ADRA1A: variants seen among roughly 807,000 people sequenced by gnomAD.
The protein encoded by ADRA1A is alpha-1A adrenergic receptor.
In ADRA1A, 31 loss-of-function variants were observed where a neutral mutation model predicts 29.6. The ratio of observed to expected loss-of-function variants is 1.05; its 90% CI spans 0.79 to 1.41. The LOEUF (loss-of-function observed/expected upper bound fraction) is 1.41, where lower values mean the gene tolerates loss of function less well. ADRA1A is among the 40% of genes most tolerant of loss of function. The pLI is 0.00. For missense variants in ADRA1A, 619 were observed against 601.1 expected, an observed-to-expected ratio of 1.03 and a Z score of -0.31; for synonymous variants, 311 against 254.3, an observed-to-expected ratio of 1.22 and a Z score of -2.12.
In ADRA1A at chr8:26,750,807, C is replaced by T. The variant is rs149828105; in HGVS notation, c.1270-2059G>A. Among the ~76,000 whole-genome samples the T allele has an allele frequency of 5.3e-3, 812 of 152,286 alleles. 9 individuals are homozygous for T. The highest frequency in any genetic ancestry group is 0.018 in the African/African-American group (765 of 41,562). ...GTTGTAGGCTGGGTGCAGTGGCTCA[C>T]GCCTATAGCCCCAGCACTTTGGGAG... On this transcript the variant is annotated intron_variant, in intron 2 of 2. Coordinates refer to the ADRA1A transcript ENST00000380586.
chr8:26,754,350 C>T (rs544570253), downstream of ADRA1A, among the ~76,000 whole-genome samples: 59 of 151,848 alleles, frequency 3.9e-4, no homozygotes, highest in Non-Finnish European at 7.4e-4. Flanking sequence ...ACTCTCAGCA[C>T]GATTCAGATT....
intron 2 of ADRA1A, among the ~76,000 whole-genome samples, chr8:26,777,880 G>C (rs61760534): frequency 0.016 from 2,387 of 152,346 alleles, 58 homozygotes; most frequent in African/African-American, 0.052. Context: ...GGATGGAAGT[G>C]CTGCCCACTT....
intron 2 of ADRA1A, among the ~76,000 whole-genome samples, chr8:26,803,919 C>T (rs1241173356): frequency 1.3e-4 from 12 of 95,224 alleles, no homozygotes; most frequent in East Asian, 4.0e-4. Context: ...TGGAAGTTTC[C>T]TTTTTTTTTT....
intron 2 of ADRA1A, among the ~76,000 whole-genome samples, chr8:26,851,552 G>C (rs1441841300): frequency 1.3e-5 from 2 of 152,164 alleles, no homozygotes; most frequent in Non-Finnish European, 2.9e-5. Flanking sequence ...TGGATTATGA[G>C]AAATCCATTT....
rs371885558 is a variant in ADRA1A, at chr8:26,770,058, C to T, written c.*91G>A. 24 of 1,507,580 alleles carry T rather than the reference C, an allele frequency of 1.6e-5. No individual in the cohort carries two copies. The Middle Eastern group carries it at 1.1e-3, about 71-fold the overall frequency. 93.4% of individuals were successfully genotyped at this position (1,507,580 alleles called of 1,614,324 possible). ...CAGCAGGTCCCCTCTTTGATTGGTC[C>T]TGTCTTGTCCTCCAAGAAGAGCTGG... is the stretch of plus-strand genomic sequence containing the variant. On this transcript the variant is annotated 3_prime_UTR_variant, in exon 3 of 3. Coordinates refer to ENST00000380573, the MANE Select transcript of ADRA1A (RefSeq NM_000680.4).
Position 26,821,134 on chromosome 8 carries a change from C to T in ADRA1A, c.883+42953G>A, listed in dbSNP as rs1223745639. Among the ~76,000 whole-genome samples the T allele has an allele frequency of 6.6e-6, 1 of 152,178 alleles. No homozygotes were observed. The highest frequency in any genetic ancestry group is 1.5e-5 in the Non-Finnish European group (1 of 68,036). On this transcript the variant is annotated intron_variant, in intron 2 of 2. Coordinates refer to ENST00000380573, the MANE Select transcript of ADRA1A (RefSeq NM_000680.4). This position sits in a 1 kb window ranked among gnomAD's most constrained non-coding sequence, Gnocchi z 5.6. ...CAAACTCCTGACCTCAGGTGATCCA[C>T]CCACCTTGGCCTCGCAAAGTGCTGG...
intron 2 of ADRA1A, among the ~76,000 whole-genome samples, chr8:26,794,947 T>C (rs4732654): frequency 0.56 from 85,077 of 152,014 alleles, 26,109 homozygotes; most frequent in East Asian, 0.85. Flanking sequence ...CTTATTAAGA[T>C]GTGTATCCTG....
At chr8:26,777,396 G>A (rs1806625904) in intron 2 of ADRA1A, among the ~76,000 whole-genome samples, 1 of 152,146 alleles carries the variant, frequency 6.6e-6, no homozygotes, top group African/African-American at 2.4e-5. Context: ...TCTGGTGATG[G>A]TAAAGATGGT....
Position 26,768,853 on chromosome 8 carries a change from C to G in ADRA1A, c.*1296G>C. 1.0e-6 allele frequency: 1 copy of G among 983,962 alleles called. No individual in the cohort carries two copies. The highest frequency in any genetic ancestry group is 1.2e-6 in the Non-Finnish European group (1 of 828,678). The allele number at this position is 983,962 out of a possible 1,614,324, so 61.0% of individuals were successfully genotyped here. ...TTACCAAAATTTGGTATACATAAAG[C>G]AAAATATAGCATGTTCCCCAAGCTC... is the stretch of plus-strand genomic sequence containing the variant. On this transcript the variant is annotated 3_prime_UTR_variant, in exon 3 of 3. Transcript: ENST00000380573.
intron 2 of ADRA1A, chr8:26,859,219 A>G (rs997961500): frequency 2.4e-6 from 3 of 1,241,236 alleles, no homozygotes; most frequent in Admixed American, 2.4e-5. Flanking sequence ...GAATATAATA[A>G]TATGATAGTA....
chr8:26,825,112 A>G lies in ADRA1A; in HGVS notation c.883+38975T>C, dbSNP rs1048649037. On this transcript the variant is annotated intron_variant, in intron 2 of 2. Transcript: ENST00000380573. This position sits in a 1 kb window ranked among gnomAD's most constrained non-coding sequence, Gnocchi z 5.7. ...TCAGAATTCAAGCATGGCATAAAAC[A>G]ATGCCTGCATGCTCCAGAGAGACCC... Among the ~76,000 whole-genome samples the G allele has an allele frequency of 4.6e-5, 7 of 152,046 alleles. No homozygotes were observed. The highest frequency in any genetic ancestry group is 1.7e-4 in the African/African-American group (7 of 41,386).
intron 2 of ADRA1A, among the ~76,000 whole-genome samples, chr8:26,774,157 T>A (rs1806371076): frequency 6.6e-6 from 1 of 152,212 alleles, no homozygotes. Context: ...AGCAGCCAGA[T>A]GTGTGTAAGC....
intron 2 of ADRA1A, chr8:26,748,865 G>C: frequency 2.8e-6 from 1 of 351,306 alleles, no homozygotes. Context: ...TGGCCAACAG[G>C]ATGACCTGGC....
At chr8:26,857,038 C>T (rs1392829193) in intron 2 of ADRA1A, among the ~76,000 whole-genome samples, 1 of 152,218 alleles carries the variant, frequency 6.6e-6, no homozygotes, top group African/African-American at 2.4e-5. Context: ...GAGTCTGTCT[C>T]GCTTCCCCTT....
At chr8:26,754,057 CAT>C (rs1805041605), downstream of ADRA1A, among the ~76,000 whole-genome samples, 1 of 152,102 alleles carries the variant, frequency 6.6e-6, no homozygotes, top group African/African-American at 2.4e-5. Flanking sequence ...TGAAAAGAAA[CAT>C]AAAATCAACG....
At chr8:26,783,875 T>C (rs1480796354) in intron 2 of ADRA1A, among the ~76,000 whole-genome samples, 1 of 152,190 alleles carries the variant, frequency 6.6e-6, no homozygotes, top group Non-Finnish European at 1.5e-5. Flanking sequence ...TCATGTCCTT[T>C]GCAGGGACAT....
intron 2 of ADRA1A, among the ~76,000 whole-genome samples, chr8:26,750,649 C>T (rs1313942974): frequency 6.6e-6 from 1 of 152,250 alleles, no homozygotes; most frequent in Non-Finnish European, 1.5e-5. Flanking sequence ...AACATTCCTT[C>T]TGTGGCATTC....
Position 26,867,099 on chromosome 8 carries a change from C to A in ADRA1A, c.-850G>T. The A allele has an allele frequency of 1.0e-6, 1 of 985,496 alleles. No individual in the cohort carries two copies. Among genetic ancestry groups the A allele is most frequent in the Non-Finnish European group, 1.2e-6 (1 of 829,946 alleles). The allele number at this position is 985,496 out of a possible 1,614,324, so 61.0% of individuals were successfully genotyped here. On this transcript the variant is annotated 5_prime_UTR_variant, in exon 1 of 3. Coordinates refer to ENST00000380573, the MANE Select transcript of ADRA1A (RefSeq NM_000680.4). ...CACCCGCTGACTCACCCCTCCACCA[C>A]TGATGTCTTTAAGCTCCTGAACCGC...
At chr8:26,818,672 G>T (rs1809936765) in intron 2 of ADRA1A, among the ~76,000 whole-genome samples, 1 of 152,048 alleles carries the variant, frequency 6.6e-6, no homozygotes, top group Non-Finnish European at 1.5e-5. Flanking sequence ...TCTGGAGCTG[G>T]ATAATACATT....
Sources: allele counts gnomAD v4.1 joint callset (sites outside exome capture counted in the v4.1 genomes callset), GRCh38; gene constraint gnomAD v4.1.1; non-coding constraint Gnocchi (gnomAD v3.1); transcripts MANE v1.5; gene names NCBI Gene and HGNC (gene_info 2026-07-23, HGNC 2026-07-21).